The following ARGFX variants were observed in gnomAD, a reference collection of about 807,000 sequenced individuals.
The protein encoded by ARGFX is arginine-fifty homeobox.
Under a neutral mutation model 8.0 loss-of-function variants are expected in ARGFX, and 10 were observed. That is an observed-to-expected ratio of 1.25 (90% CI 0.77 to 2.12). The LOEUF is 2.12. ARGFX is among the 30% of genes most tolerant of loss of function. The pLI, the probability that ARGFX is intolerant of heterozygous loss-of-function variation, is 0.00. For synonymous variants in ARGFX, 116 were observed against 117.8 expected (o/e 0.98, Z 0.10); for missense variants, 282 against 324.3 (o/e 0.87, Z 1.00).
Position 121,588,491 on chromosome 3 carries a change from A to T in ARGFX, c.*1891A>T, listed in dbSNP as rs555125139. On this transcript the variant is annotated 3_prime_UTR_variant, in exon 5 of 5. Coordinates refer to ENST00000334384, the MANE Select transcript of ARGFX (RefSeq NM_001012659.2). ...AGACTCTGTCTCAAAAAAAAAATAA[A>T]AAATAAAAAATAAAAAATAAAAGAA... Among the ~76,000 whole-genome samples, 1,052 of 150,204 alleles carry T rather than the reference A, an allele frequency of 7.0e-3. 12 individuals carry two copies. Among genetic ancestry groups the T allele is most frequent in the African/African-American group, 0.024 (1,003 of 41,244 alleles).
At chr3:121,570,596 T>G in intron 1 of ARGFX, 106 bp from the exon 2 acceptor site, 2 of 574,464 alleles carry the variant, frequency 3.5e-6, no homozygotes, top group Non-Finnish European at 5.9e-6. Context: ...GGGGTTAACC[T>G]CACTTGCCAG....
intron 3 of ARGFX, among the ~76,000 whole-genome samples, chr3:121,580,594 G>GTGTGTGTGTGTGTGTGTGTGTGTA (rs1394661822): frequency 1.4e-5 from 1 of 73,392 alleles, no homozygotes; most frequent in Admixed American, 1.6e-4. Flanking sequence ...GTGTGTGTGT[G>GTGTGTGTGTGTGTGTGTGTGTGTA]TATATATATA....
chr3:121,578,877 C>T (rs2048760256), intron 3 of ARGFX, among the ~76,000 whole-genome samples: 1 of 150,640 alleles, frequency 6.6e-6, no homozygotes, highest in Admixed American at 6.6e-5. Flanking sequence ...TGGGGTTTCA[C>T]CATGTTAGAC....
At chr3:121,579,945 CTT>C (rs1174620508) in intron 3 of ARGFX, among the ~76,000 whole-genome samples, 205 of 91,486 alleles carry the variant, frequency 2.2e-3, no homozygotes, top group Non-Finnish European at 3.7e-3. Flanking sequence ...CTTTTCTTTT[CTT>C]TTTTTTTTTT....
At chr3:121,580,140 T>C (rs989526305) in intron 3 of ARGFX, among the ~76,000 whole-genome samples, 9 of 151,418 alleles carry the variant, frequency 5.9e-5, no homozygotes, top group African/African-American at 2.2e-4. Flanking sequence ...GATTTCACCA[T>C]GTTTTTGTAG....
intron 1 of ARGFX, among the ~76,000 whole-genome samples, chr3:121,569,280 G>C (rs2048692877): frequency 6.6e-6 from 1 of 151,196 alleles, no homozygotes; most frequent in African/African-American, 2.4e-5. Context: ...TGTAGCCTTT[G>C]AAATAATTGT....
chr3:121,573,404 T>G (rs1480188598), intron 2 of ARGFX, among the ~76,000 whole-genome samples: 1 of 151,100 alleles, frequency 6.6e-6, no homozygotes, highest in Non-Finnish European at 1.5e-5. Context: ...TCGCTTGAAC[T>G]TGGGAGACAG....
chr3:121,585,905 G>A, intron 4 of ARGFX, 117 bp from the exon 5 acceptor site: 1 of 990,070 alleles, frequency 1.0e-6, no homozygotes, highest in Non-Finnish European at 1.5e-6. Context: ...AGAGCCCAGT[G>A]TCATGGTGAA....
intron 3 of ARGFX, among the ~76,000 whole-genome samples, chr3:121,584,360 G>A (rs889204052): frequency 2.6e-5 from 4 of 151,830 alleles, no homozygotes; most frequent in African/African-American, 9.7e-5. Flanking sequence ...AATGAAGAGA[G>A]GAAACCCATT....
rs1278558562 is a variant in ARGFX at position 121,589,724 on chromosome 3, C to A, written c.*3124C>A. Among the ~76,000 whole-genome samples, 1 of 152,020 alleles carries A rather than the reference C, an allele frequency of 6.6e-6. No individual in the cohort carries two copies. The highest frequency in any genetic ancestry group is 1.5e-5 in the Non-Finnish European group (1 of 68,012). ...GTATATTAGACAACAACAAAAGGAA[C>A]AACTAACCTGAAATATATAATAACT... is the stretch of plus-strand genomic sequence containing the variant. On this transcript the variant is annotated 3_prime_UTR_variant, in exon 5 of 5. Coordinates refer to ENST00000334384, the MANE Select transcript of ARGFX (RefSeq NM_001012659.2).
At chr3:121,577,260 T>TATCTACATGTACATATATATATATATA (rs1491494549) in intron 3 of ARGFX, among the ~76,000 whole-genome samples, 1 of 30,922 alleles carries the variant, frequency 3.2e-5, no homozygotes, top group African/African-American at 1.5e-4. Context: ...TATATATATA[T>TATCTACATGTACATATATATATATATA]TTTTTTTTTT....
intron 3 of ARGFX, among the ~76,000 whole-genome samples, chr3:121,582,756 A>G (rs1009424045): frequency 1.2e-4 from 18 of 151,956 alleles, no homozygotes; most frequent in African/African-American, 4.4e-4. Flanking sequence ...CCCATGCTGG[A>G]GTGCAGTGAC....
chr3:121,570,733 C>G lies in ARGFX; in HGVS notation c.20C>G (p.Pro7Arg), dbSNP rs775007494. The G allele has an allele frequency of 6.2e-7, 1 of 1,610,282 alleles. No individual in the cohort carries two copies. The highest frequency in any genetic ancestry group is 2.2e-5 in the East Asian group (1 of 44,556). ...GAAACCATGAGGAACAGAATGGCCC[C>G]AGAGAATCCCCAGCCAGACCCTTTC... is the stretch of plus-strand genomic sequence containing the variant. MRNRMA[P>R]ENPQPDPFIN... Residue 7 changes from proline to arginine, a missense_variant, in exon 2 of 5, where the codon CCA becomes CGA. By Grantham distance (103) the Pro-to-Arg change is moderately radical (BLOSUM62 -2). Transcript: ENST00000334384.
At chr3:121,579,812 A>G (rs1326030586) in intron 3 of ARGFX, among the ~76,000 whole-genome samples, 1 of 152,112 alleles carries the variant, frequency 6.6e-6, no homozygotes, top group Admixed American at 6.6e-5. Flanking sequence ...CCTGGGCAAC[A>G]TAGCGAGACC....
At chr3:121,571,299 A>G (rs2048706429) in intron 2 of ARGFX, among the ~76,000 whole-genome samples, 1 of 152,116 alleles carries the variant, frequency 6.6e-6, no homozygotes, top group Non-Finnish European at 1.5e-5. Context: ...TTTCCCAAAC[A>G]TTGTTTGTAT....
chr3:121,579,625 A>C (rs2048765030), intron 3 of ARGFX, among the ~76,000 whole-genome samples: 1 of 147,054 alleles, frequency 6.8e-6, no homozygotes, highest in Non-Finnish European at 1.5e-5. Flanking sequence ...AGGTGTGAAT[A>C]TAACAGACCT....
rs1299281703 is a variant in ARGFX, at chr3:121,586,241, G to A, written c.589G>A (p.Glu197Lys). 2 of 1,613,888 alleles carry A rather than the reference G, an allele frequency of 1.2e-6. No homozygotes were observed. Among genetic ancestry groups the A allele is most frequent in the African/African-American group, 1.3e-5 (1 of 74,866 alleles). The change falls in exon 5 of 5, where the codon GAG (glutamate) becomes AAG (lysine). Residue 197 changes from glutamate to lysine, a missense_variant. Glu to Lys is a moderately conservative substitution (Grantham distance 56, BLOSUM62 1). Coordinates refer to ENST00000334384, the MANE Select transcript of ARGFX (RefSeq NM_001012659.2). ...TTGGGCATGGAACTCTACCTTCACT[G>A]AGAGTTCTACCAGTGACTTCCAAAT... ...SNWAWNSTFT[E>K]SSTSDFQMQD...
chr3:121,588,165 C>A lies in ARGFX; in HGVS notation c.*1565C>A, dbSNP rs1464479234. On this transcript the variant is annotated 3_prime_UTR_variant, in exon 5 of 5. Transcript: ENST00000334384. ...ACAAAATTAATACCATTTCTGAACACCAGTAATAAAGAAACATAAGGGCTG... is the reference window on the plus strand; with the variant it reads ...ACAAAATTAATACCATTTCTGAACAACAGTAATAAAGAAACATAAGGGCTG... Among the ~76,000 whole-genome samples, 1 of 151,740 alleles carries A rather than the reference C, an allele frequency of 6.6e-6. No individual in the cohort carries two copies. Among genetic ancestry groups the A allele is most frequent in the Non-Finnish European group, 1.5e-5 (1 of 67,966 alleles).
rs1272535481 is a variant in ARGFX at position 121,588,568 on chromosome 3, C to CA, written c.*1975dup. On this transcript the variant is annotated 3_prime_UTR_variant, in exon 5 of 5. Transcript: ENST00000334384. ...AAATGTAAAAGTACCTAGAAATTCA[C>CA]AAAAAAATTAATACCTCTGTGGAGA... 1.3e-5 allele frequency among the ~76,000 whole-genome samples: 2 copies of CA among 151,516 alleles called. No individual in the cohort carries two copies. Among genetic ancestry groups the CA allele is most frequent in the Admixed American group, 1.3e-4 (2 of 15,208 alleles).
Sources: gnomAD v4.1 joint callset for allele counts (sites outside exome capture counted in the v4.1 genomes callset) on GRCh38, gnomAD v4.1.1 for gene constraint, MANE v1.5 for transcripts, NCBI Gene and HGNC (gene_info 2026-07-23, HGNC 2026-07-21) for gene names.